VAV3: variants seen among roughly 807,000 people sequenced by gnomAD.
The protein encoded by VAV3 is vav guanine nucleotide exchange factor 3.
Under a neutral mutation model 131.2 loss-of-function variants are expected in VAV3, and 94 were observed. That is an observed-to-expected ratio of 0.72 (90% CI 0.61 to 0.85). The LOEUF (loss-of-function observed/expected upper bound fraction) is 0.85. Ranked by LOEUF, VAV3 falls within the 40% of genes least tolerant of loss-of-function variation. The pLI is 0.00. For synonymous variants in VAV3, 349 were observed against 342.0 expected (o/e 1.02, Z -0.22); for missense variants, 939 against 1,002.7 (o/e 0.94, Z 0.86).
intron 15 of VAV3, among the ~76,000 whole-genome samples, chr1:107,740,151 G>A (rs557029152): frequency 2.6e-5 from 4 of 152,170 alleles, no homozygotes; most frequent in African/African-American, 4.8e-5. Flanking sequence ...CCTGGGTGTG[G>A]TGTTGCGTGC....
chr1:107,678,317 G>C (rs1410482722), intron 19 of VAV3, among the ~76,000 whole-genome samples: 7 of 152,096 alleles, frequency 4.6e-5, no homozygotes, highest in African/African-American at 1.7e-4. Context: ...TATTTGATGA[G>C]AAATTAGCTT....
chr1:107,694,509 T>C (rs1659630139), intron 17 of VAV3, among the ~76,000 whole-genome samples: 1 of 152,184 alleles, frequency 6.6e-6, no homozygotes, highest in African/African-American at 2.4e-5. Context: ...CATGAGCCTT[T>C]CCTTGCAAAA....
chr1:107,934,719 C>A (rs1193451417), intron 1 of VAV3, among the ~76,000 whole-genome samples: 1 of 152,200 alleles, frequency 6.6e-6, no homozygotes, highest in Admixed American at 6.5e-5. Context: ...AACTTAACCA[C>A]TGAAATTTTA....
chr1:107,647,893 G>A (rs1305446750), intron 19 of VAV3, among the ~76,000 whole-genome samples: 1 of 152,046 alleles, frequency 6.6e-6, no homozygotes, highest in African/African-American at 2.4e-5. Flanking sequence ...TAAGAATCAG[G>A]TTGAGCCTGG....
At chr1:107,722,843 T>TTTC (rs1557793511) in intron 15 of VAV3, among the ~76,000 whole-genome samples, 3 of 149,322 alleles carry the variant, frequency 2.0e-5, no homozygotes, top group African/African-American at 4.9e-5. Context: ...ATCCTCTCTT[T>TTTC]TTTTTTTTTT....
chr1:107,787,884 C>A (rs1401337618), intron 2 of VAV3, among the ~76,000 whole-genome samples: 1 of 152,116 alleles, frequency 6.6e-6, no homozygotes, highest in Non-Finnish European at 1.5e-5. Context: ...CAACACTCTG[C>A]CTCTGAAGAC....
intron 12 of VAV3, 39 bp downstream of exon 12, chr1:107,755,387 TG>T (rs1359192126): frequency 7.2e-7 from 1 of 1,396,536 alleles, no homozygotes; most frequent in Non-Finnish European, 1.0e-6. Flanking sequence ...GTCGTTGATG[TG>T]GGGGTGAGGG....
At chr1:107,731,988 C>A (rs970811856) in intron 15 of VAV3, among the ~76,000 whole-genome samples, 3 of 151,432 alleles carry the variant, frequency 2.0e-5, no homozygotes, top group Non-Finnish European at 2.9e-5. Flanking sequence ...ACTTAACTTA[C>A]AACAACTTAC....
At chr1:107,785,558 C>A in intron 2 of VAV3, 1 of 1,239,110 alleles carries the variant, frequency 8.1e-7, no homozygotes, top group East Asian at 7.0e-5. Flanking sequence ...GCATCACACC[C>A]CTACAACATT....
intron 15 of VAV3, among the ~76,000 whole-genome samples, chr1:107,711,815 G>T (rs1163451382): frequency 6.6e-6 from 1 of 151,996 alleles, no homozygotes; most frequent in African/African-American, 2.4e-5. Flanking sequence ...AGCCTCCTGA[G>T]TAGCTGGATA....
intron 5 of VAV3, among the ~76,000 whole-genome samples, 173 bp from the exon 6 acceptor site, chr1:107,770,901 C>T (rs538003671): frequency 5.9e-5 from 9 of 152,118 alleles, no homozygotes; most frequent in African/African-American, 1.9e-4. Flanking sequence ...TTATAAAAAT[C>T]GTGAACAATG....
At chr1:107,720,190 C>T (rs1411041307) in intron 15 of VAV3, among the ~76,000 whole-genome samples, 3 of 151,568 alleles carry the variant, frequency 2.0e-5, no homozygotes, top group Non-Finnish European at 4.4e-5. Context: ...GCACATGTAC[C>T]CTAAAACTTA....
At position 107,602,407 on chromosome 1, in the gene VAV3, T is replaced by C; in HGVS notation, c.2210A>G (p.Lys737Arg). The C allele has an allele frequency of 6.4e-7, 1 of 1,566,308 alleles. No individual in the cohort carries two copies. The highest frequency in any genetic ancestry group is 8.6e-7 in the Non-Finnish European group (1 of 1,161,880). Residue 737 changes from lysine (K) to arginine (R), a missense_variant, in exon 24 of 27, where the codon AAA becomes AGA. Physicochemically the swap from Lys to Arg is conservative, Grantham distance 26. Transcript: ENST00000370056. ...FFHIAENRKF[K>R]SLMELVEYYK... The stretch of plus-strand genomic sequence containing the variant: ...ATAATCAATGCTTACCATTAAACTT[T>C]TAAATTTTCTATTTTCTGCAATGTG...
chr1:107,666,545 A>C (rs906135862), intron 19 of VAV3, among the ~76,000 whole-genome samples: 23 of 150,184 alleles, frequency 1.5e-4, no homozygotes, highest in Middle Eastern at 3.5e-3. Flanking sequence ...ACTCCCTTTC[A>C]TACTTCTATG....
chr1:107,621,360 T>C (rs1391440705), intron 20 of VAV3, among the ~76,000 whole-genome samples: 1 of 152,060 alleles, frequency 6.6e-6, no homozygotes, highest in African/African-American at 2.4e-5. Context: ...TAACTTCTAC[T>C]TATTAAAAAG....
chr1:107,667,620 C>G lies in VAV3; in HGVS notation c.1777+15868G>C, dbSNP rs547133594. ...TATACACACACACACACAAACAAAT[C>G]ACAACACAGAAAAACAATCATCCTC... On this transcript the variant is annotated intron_variant, in intron 19 of 26. Transcript: ENST00000370056. Among the ~76,000 whole-genome samples, 55 of 152,098 alleles carry G rather than the reference C, an allele frequency of 3.6e-4. 1 individual carries two copies. The highest frequency in any genetic ancestry group is 1.3e-3 in the African/African-American group (55 of 41,510).
chr1:107,594,797 A>G (rs1246644086), intron 25 of VAV3, among the ~76,000 whole-genome samples: 1 of 151,980 alleles, frequency 6.6e-6, no homozygotes, highest in African/African-American at 2.4e-5. Context: ...TGACCTTCCT[A>G]CCTAATATGG....
intron 1 of VAV3, among the ~76,000 whole-genome samples, chr1:107,886,343 A>G (rs963074121): frequency 6.6e-6 from 1 of 152,208 alleles, no homozygotes; most frequent in African/African-American, 2.4e-5. Context: ...GTAGCTAACA[A>G]GTATAGAGTC....
chr1:107,755,653 C>A, intron 11 of VAV3, 140 bp from the exon 12 acceptor site: 2 of 614,828 alleles, frequency 3.3e-6, no homozygotes, highest in Non-Finnish European at 2.8e-6. Flanking sequence ...AAATGAATGC[C>A]CAGTCAATCA....
Sources: allele counts gnomAD v4.1 joint callset (sites outside exome capture counted in the v4.1 genomes callset), GRCh38; gene constraint gnomAD v4.1.1; transcripts MANE v1.5; gene names NCBI Gene and HGNC (gene_info 2026-07-23, HGNC 2026-07-21).